The following GALNT3 variants were observed in gnomAD, a reference collection of about 807,000 sequenced individuals.
GALNT3 encodes GalNAc transferase 3.
A neutral mutation model predicts 69.8 loss-of-function variants in GALNT3; 51 were observed. That is an observed-to-expected ratio of 0.73 (90% CI 0.58 to 0.92). GALNT3 has a LOEUF of 0.92. Ranked by LOEUF, GALNT3 falls within the 40% of genes least tolerant of loss-of-function variation. The probability of loss-of-function intolerance (pLI) is 0.00; values close to 1 mark genes in which losing one functional copy is unlikely to be tolerated. For synonymous variants in GALNT3, 265 were observed against 248.5 expected (o/e 1.07, Z -0.63); for missense variants, 711 against 760.0 (o/e 0.94, Z 0.76).
intron 1 of GALNT3, among the ~76,000 whole-genome samples, chr2:165,778,489 C>T (rs1683023041): frequency 6.6e-6 from 1 of 152,062 alleles, no homozygotes; most frequent in African/African-American, 2.4e-5. Flanking sequence ...CAGGAAATTG[C>T]CTAGTGGGAG....
At chr2:165,790,266 T>C (rs1168124470) in intron 1 of GALNT3, among the ~76,000 whole-genome samples, 1 of 152,154 alleles carries the variant, frequency 6.6e-6, no homozygotes, top group East Asian at 1.9e-4. Flanking sequence ...GGAAGTGTCA[T>C]ATAATTGTCA....
chr2:165,761,007 TG>T (rs2105409152), intron 4 of GALNT3, among the ~76,000 whole-genome samples: 1 of 152,182 alleles, frequency 6.6e-6, no homozygotes, highest in African/African-American at 2.4e-5. Context: ...GAAGATGGGA[TG>T]GGGCACCCCT....
In GALNT3 at chr2:165,748,051, G is replaced by A. The variant is rs1357989827; in HGVS notation, c.*730C>T. 2.2e-5 allele frequency: 4 copies of A among 179,680 alleles called. No individual in the cohort carries two copies. The highest frequency in any genetic ancestry group is 9.4e-5 in the African/African-American group (4 of 42,344). 11.1% of individuals were successfully genotyped at this position (179,680 alleles called of 1,614,324 possible). A position where few individuals can be genotyped will look rare whatever the true frequency, so the allele number is the denominator to read the frequency against. ...GAAAAGGACACCTTTTCAACAGATAGTAATTTATAAAAATTTTTTTAAAAG... is the reference window on the plus strand; with the variant it reads ...GAAAAGGACACCTTTTCAACAGATAATAATTTATAAAAATTTTTTTAAAAG... On this transcript the variant is annotated 3_prime_UTR_variant, in exon 11 of 11. Coordinates refer to ENST00000392701, the MANE Select transcript of GALNT3 (RefSeq NM_004482.4).
intron 1 of GALNT3, among the ~76,000 whole-genome samples, chr2:165,780,365 TCA>T (rs1683076137): frequency 6.6e-6 from 1 of 152,192 alleles, no homozygotes; most frequent in Non-Finnish European, 1.5e-5. Flanking sequence ...AACTACCTTG[TCA>T]CCAATCTTCC....
intron 6 of GALNT3, among the ~76,000 whole-genome samples, chr2:165,758,190 G>T (rs750409845): frequency 6.6e-6 from 1 of 152,140 alleles, no homozygotes; most frequent in Non-Finnish European, 1.5e-5. Context: ...CTAACTCCTA[G>T]TTCAGTTCTT....
Position 165,762,027 on chromosome 2 carries a change from T to C in GALNT3, c.716A>G (p.Tyr239Cys), listed in dbSNP as rs1326882498. ...TTTTACTATAGAAAATTGTTTTACA[T>C]ATTCATCTAGTTTATCATGTAAGTA... ...DEYLHDKLDE[Y>C]VKQFSIVKIV... Residue 239 changes from tyrosine (Y) to cysteine (C), a missense_variant, in exon 4 of 11, where the codon TAT becomes TGT. Coordinates refer to ENST00000392701, the MANE Select transcript of GALNT3 (RefSeq NM_004482.4). The C allele has an allele frequency of 6.3e-7, 1 of 1,585,222 alleles. No homozygotes were observed. The highest frequency in any genetic ancestry group is 2.2e-5 in the East Asian group (1 of 44,706).
intron 3 of GALNT3, among the ~76,000 whole-genome samples, chr2:165,764,622 T>C (rs1355472794): frequency 6.6e-6 from 1 of 152,250 alleles, no homozygotes; most frequent in East Asian, 1.9e-4. Context: ...CTCAAGTCTG[T>C]GCTCTTAACC....
In GALNT3 at chr2:165,760,195, CG is replaced by C. The variant is rs66924444; in HGVS notation, c.839-626del. Among the ~76,000 whole-genome samples, 242 of 152,274 alleles carry C rather than the reference CG, an allele frequency of 1.6e-3. 1 individual carries two copies. The highest frequency in any genetic ancestry group is 3.4e-3 in the Admixed American group (52 of 15,292). On this transcript the variant is annotated intron_variant, in intron 4 of 10. Coordinates refer to ENST00000392701, the MANE Select transcript of GALNT3 (RefSeq NM_004482.4). ...AAAAGTGTTCTGATTTATTTAAACT[CG>C]TATCTCCCTGAATAAGGTACAGTAA... is the stretch of plus-strand genomic sequence containing the variant.
chr2:165,765,755 TG>T (rs1310819014), intron 2 of GALNT3, among the ~76,000 whole-genome samples: 12 of 152,192 alleles, frequency 7.9e-5, no homozygotes, highest in Non-Finnish European at 1.6e-4. Context: ...CCCAAAGTGC[TG>T]GGATTACACA....
chr2:165,766,219 G>A (rs948929932), intron 2 of GALNT3, among the ~76,000 whole-genome samples: 5 of 152,110 alleles, frequency 3.3e-5, no homozygotes, highest in African/African-American at 1.2e-4. Flanking sequence ...TTAAAAATAC[G>A]TAGAAATAAA....
At chr2:165,759,662 AAC>A in intron 4 of GALNT3, 92 bp from the exon 5 acceptor site, 2 of 897,448 alleles carry the variant, frequency 2.2e-6, no homozygotes, top group Non-Finnish European at 3.6e-6. Context: ...AAATGAGAAT[AAC>A]AGAGTCAATT....
At chr2:165,786,658 G>A (rs995061911) in intron 1 of GALNT3, among the ~76,000 whole-genome samples, 6 of 152,138 alleles carry the variant, frequency 3.9e-5, no homozygotes, top group Middle Eastern at 3.4e-3. Context: ...ATCTAAGGTT[G>A]TTTGAATCTA....
At chr2:165,781,244 G>A (rs1329316226) in intron 1 of GALNT3, among the ~76,000 whole-genome samples, 1 of 152,098 alleles carries the variant, frequency 6.6e-6, no homozygotes, top group Non-Finnish European at 1.5e-5. Context: ...AGCCTTATGA[G>A]TTACTCTGTA....
chr2:165,754,975 G>T lies in GALNT3; in HGVS notation c.1481C>A (p.Pro494Gln), dbSNP rs374205386. 6.2e-7 allele frequency: 1 copy of T among 1,612,942 alleles called. No individual in the cohort carries two copies. The highest frequency in any genetic ancestry group is 8.5e-7 in the Non-Finnish European group (1 of 1,179,322). Residue 494 changes from proline to glutamine, a missense_variant, in exon 8 of 11, where the codon CCA becomes CAA. Transcript: ENST00000392701. ...NFTWYLNNIY[P>Q]EVYVPDLNPV... ...ATTAAGGTCTGGCACATACACCTCT[G>T]GATAAATGTTGTTCAGATACCATGT...
At chr2:165,754,900 A>G in intron 8 of GALNT3, 32 bp downstream of exon 8, 1 of 1,609,324 alleles carries the variant, frequency 6.2e-7, no homozygotes, top group Non-Finnish European at 8.5e-7. Flanking sequence ...CAAGGAGTAT[A>G]TTAATTAAAA....
chr2:165,748,538 A>C lies in GALNT3; in HGVS notation c.*243T>G. 2.0e-6 allele frequency: 1 copy of C among 504,838 alleles called. No individual in the cohort carries two copies. Among genetic ancestry groups the C allele is most frequent in the Non-Finnish European group, 3.6e-6 (1 of 279,730 alleles). 31.3% of individuals were successfully genotyped at this position (504,838 alleles called of 1,614,324 possible). On this transcript the variant is annotated 3_prime_UTR_variant, in exon 11 of 11. Coordinates refer to ENST00000392701, the MANE Select transcript of GALNT3 (RefSeq NM_004482.4). ...GAAAATTATTTTCATCATACTGTAAACATCTCTTCCCCTACATCTGGACAT... is the reference window on the plus strand; with the variant it reads ...GAAAATTATTTTCATCATACTGTAACCATCTCTTCCCCTACATCTGGACAT...
In GALNT3 at chr2:165,792,631, A is replaced by G. The variant is rs1204884138; in HGVS notation, c.-109+1384T>C. Among the ~76,000 whole-genome samples, 8 of 152,242 alleles carry G rather than the reference A, an allele frequency of 5.3e-5. 1 individual carries two copies. The South Asian group carries it at 1.7e-3, about 31-fold the overall frequency. Reference sequence around the variant, plus strand: ...GTGCAATTTAAAAAATATTTTTAAAATGTGTGGAGATAGAACAAAACAATG... The same window carrying G: ...GTGCAATTTAAAAAATATTTTTAAAGTGTGTGGAGATAGAACAAAACAATG... On this transcript the variant is annotated intron_variant, in intron 1 of 10. Transcript: ENST00000392701.
chr2:165,768,139 G>A (rs1688681065), intron 2 of GALNT3, among the ~76,000 whole-genome samples: 1 of 152,038 alleles, frequency 6.6e-6, no homozygotes, highest in Non-Finnish European at 1.5e-5. Flanking sequence ...GCCAAGGCGG[G>A]CAGATCACGA....
intron 1 of GALNT3, chr2:165,771,684 T>A (rs957973642): frequency 6.6e-6 from 1 of 152,218 alleles, no homozygotes; most frequent in Admixed American, 6.5e-5. Context: ...TGAGCCGCGA[T>A]AGCCAGTCAA....
Sources: allele counts gnomAD v4.1 joint callset (sites outside exome capture counted in the v4.1 genomes callset), GRCh38; gene constraint gnomAD v4.1.1; transcripts MANE v1.5; gene names NCBI Gene and HGNC (gene_info 2026-07-23, HGNC 2026-07-21).